The following IQSEC1 variants were observed in gnomAD, a reference collection of about 807,000 sequenced individuals.
The protein encoded by IQSEC1 is IQ motif and Sec7 domain ArfGEF 1.
Under a neutral mutation model 91.0 loss-of-function variants are expected in IQSEC1, and 31 were observed. The ratio of observed to expected loss-of-function variants is 0.34; its 90% confidence interval spans 0.26 to 0.46. The LOEUF (loss-of-function observed/expected upper bound fraction) is 0.46. IQSEC1 is among the 20% of genes least tolerant of loss of function. The pLI is 1.00. For missense variants in IQSEC1, 1,388 were observed against 1,575.6 expected, an observed-to-expected ratio of 0.88 and a Z score of 2.02; for synonymous variants, 699 against 662.6, an observed-to-expected ratio of 1.05 and a Z score of -0.84.
At chr3:13,104,451 T>C (rs1312598628) in intron 2 of IQSEC1, among the ~76,000 whole-genome samples, 1 of 152,182 alleles carries the variant, frequency 6.6e-6, no homozygotes, top group Non-Finnish European at 1.5e-5. Context: ...CTGTAGTCTA[T>C]ACAAAAATAC....
intron 1 of IQSEC1, among the ~76,000 whole-genome samples, chr3:13,264,885 T>G (rs1395497821): frequency 6.6e-6 from 1 of 151,512 alleles, no homozygotes; most frequent in African/African-American, 2.4e-5. Context: ...TCTCTCTGTC[T>G]CTCTCTGTCT....
At chr3:13,035,156 G>A (rs574123076) in intron 1 of IQSEC1, among the ~76,000 whole-genome samples, 219 of 152,316 alleles carry the variant, frequency 1.4e-3, no homozygotes, top group African/African-American at 5.1e-3. Context: ...TTTCACAGCT[G>A]TGAGCCTGCC....
intron 2 of IQSEC1, among the ~76,000 whole-genome samples, chr3:12,941,361 T>TA (rs200255616): frequency 0.012 from 1,765 of 152,340 alleles, 22 homozygotes; most frequent in Non-Finnish European, 0.019. Flanking sequence ...AGGTCCTTCA[T>TA]ACACGCCAGC....
At chr3:13,047,118 TG>T (rs1704524912) in intron 1 of IQSEC1, among the ~76,000 whole-genome samples, 2 of 152,174 alleles carry the variant, frequency 1.3e-5, no homozygotes, top group African/African-American at 4.8e-5. Flanking sequence ...TTGGTCGTCA[TG>T]GGAACTGCCG....
chr3:13,146,180 T>G (rs1706893299), intron 2 of IQSEC1, among the ~76,000 whole-genome samples: 1 of 150,336 alleles, frequency 6.7e-6, no homozygotes, highest in African/African-American at 2.5e-5. Context: ...AGAAATGGGG[T>G]CTGGCTATGT....
In IQSEC1 at chr3:13,214,042, C is replaced by T; in HGVS notation, c.273-49909G>A. On this transcript the variant is annotated intron_variant, in intron 1 of 15. Transcript: ENST00000648114. This position sits in a 1 kb window ranked among gnomAD's most constrained non-coding sequence, Gnocchi z 4.5. ...GTCCCTCCCCGCCACCCGGCTCCTT[C>T]CTCTGATAGGCCTGTCCCCTGTGTC... Among the ~76,000 whole-genome samples the T allele has an allele frequency of 6.6e-6, 1 of 152,330 alleles. No homozygotes were observed. The highest frequency in any genetic ancestry group is 2.1e-4 in the South Asian group (1 of 4,824).
At position 12,924,986 on chromosome 3, in the gene IQSEC1, A is replaced by T. The variant is rs572939137; in HGVS notation, c.1569-244T>A. On this transcript the variant is annotated intron_variant, in intron 3 of 13. Coordinates refer to ENST00000613206, the MANE Select transcript of IQSEC1 (RefSeq NM_001134382.3). This position sits in a 1 kb window ranked among gnomAD's most constrained non-coding sequence, Gnocchi z 6.3. The stretch of plus-strand genomic sequence containing the variant: ...TCCTGCCCTGTCCCAAAACCCAAAT[A>T]TGGGGGACCTGGTACAAACACCTTC... 6.6e-5 allele frequency among the ~76,000 whole-genome samples: 10 copies of T among 152,150 alleles called. No homozygotes were observed. The highest frequency in any genetic ancestry group is 1.5e-4 in the Non-Finnish European group (10 of 67,980).
At chr3:13,238,120 A>G (rs1295232635) in intron 1 of IQSEC1, among the ~76,000 whole-genome samples, 1 of 152,188 alleles carries the variant, frequency 6.6e-6, no homozygotes, top group East Asian at 1.9e-4. Flanking sequence ...GCGTGCCCCA[A>G]CCAACTAGCT....
chr3:13,090,499 T>C (rs531430990), intron 2 of IQSEC1, among the ~76,000 whole-genome samples: 1 of 152,310 alleles, frequency 6.6e-6, no homozygotes, highest in East Asian at 1.9e-4. Context: ...CCATCCCGTG[T>C]TGCACCTCTC....
At chr3:12,930,325 T>C (rs573176338) in intron 3 of IQSEC1, among the ~76,000 whole-genome samples, 1 of 152,340 alleles carries the variant, frequency 6.6e-6, no homozygotes, top group South Asian at 2.1e-4. Context: ...CAGTCCTTTT[T>C]AACTGTTCAG....
chr3:13,156,595 G>A (rs535403750), intron 2 of IQSEC1, among the ~76,000 whole-genome samples: 100 of 152,356 alleles, frequency 6.6e-4, no homozygotes, highest in Non-Finnish European at 1.0e-3. Context: ...GGCAAGTACA[G>A]AGACCAAAAT....
At chr3:13,203,030 T>C (rs1281418479) in intron 1 of IQSEC1, among the ~76,000 whole-genome samples, 2 of 152,164 alleles carry the variant, frequency 1.3e-5, no homozygotes, top group South Asian at 2.1e-4. Context: ...GACCTCCACA[T>C]AGTGCGTCAC....
chr3:13,131,795 C>T (rs908030247), intron 2 of IQSEC1, among the ~76,000 whole-genome samples: 71 of 152,054 alleles, frequency 4.7e-4, no homozygotes, highest in Non-Finnish European at 2.1e-4. Flanking sequence ...AGGTTTAAAC[C>T]TATTTCTATT....
chr3:13,129,066 A>T (rs1471486864), intron 2 of IQSEC1, among the ~76,000 whole-genome samples: 5 of 152,084 alleles, frequency 3.3e-5, no homozygotes, highest in Admixed American at 2.0e-4. Context: ...GGTATTATTT[A>T]TTCTTTAAAT....
intron 1 of IQSEC1, among the ~76,000 whole-genome samples, chr3:13,167,947 G>A (rs1693529920): frequency 6.6e-6 from 1 of 152,190 alleles, no homozygotes; most frequent in African/African-American, 2.4e-5. Flanking sequence ...CAGCAGGGTG[G>A]AGAAATGAGC....
intron 1 of IQSEC1, among the ~76,000 whole-genome samples, chr3:12,943,495 C>G (rs903860293): frequency 6.6e-6 from 1 of 152,214 alleles, no homozygotes; most frequent in African/African-American, 2.4e-5. Context: ...TCAGATCACT[C>G]AACCCTGGGC....
intron 1 of IQSEC1, among the ~76,000 whole-genome samples, chr3:13,036,566 C>G (rs903304968): frequency 6.6e-6 from 1 of 152,214 alleles, no homozygotes; most frequent in Non-Finnish European, 1.5e-5. Flanking sequence ...CAGGGTGCCC[C>G]CTGTAGAGCC....
At chr3:13,136,631 G>A (rs1463750849) in intron 2 of IQSEC1, among the ~76,000 whole-genome samples, 1 of 152,192 alleles carries the variant, frequency 6.6e-6, no homozygotes, top group Non-Finnish European at 1.5e-5. Flanking sequence ...TTTCCGAGAG[G>A]AGGAAACAGG....
intron 2 of IQSEC1, among the ~76,000 whole-genome samples, chr3:13,161,272 G>C (rs748104669): frequency 6.6e-6 from 1 of 152,210 alleles, no homozygotes; most frequent in African/African-American, 2.4e-5. Context: ...CACTGCCACA[G>C]TGTGTCAGCC....
Sources: gnomAD v4.1 joint callset for allele counts (sites outside exome capture counted in the v4.1 genomes callset) on GRCh38, gnomAD v4.1.1 for gene constraint, Gnocchi (gnomAD v3.1) non-coding constraint, MANE v1.5 for transcripts, NCBI Gene and HGNC (gene_info 2026-07-23, HGNC 2026-07-21) for gene names.